Variants in GPC3 observed in about 807,000 individuals in gnomAD.
GPC3 encodes glypican 3.
GPC3 carries 3 observed loss-of-function variants against 34.4 expected under a neutral mutation model. The ratio of observed to expected loss-of-function variants is 0.09; its 90% CI spans 0.04 to 0.23. GPC3 has a LOEUF of 0.23. Ranked by LOEUF, GPC3 falls within the 10% of genes least tolerant of loss-of-function variation. The pLI is 1.00. For synonymous variants in GPC3, 177 were observed against 174.0 expected (o/e 1.02, Z -0.13); for missense variants, 351 against 445.6 (o/e 0.79, Z 1.91).
rs190865709 is a variant in GPC3 at position 133,966,617 on chromosome X, C to T, written c.176-13406G>A. 1.2e-4 allele frequency among the ~76,000 whole-genome samples: 14 copies of T among 112,417 alleles called. 1 individual carries two copies. In the East Asian group the frequency reaches 3.9e-3, roughly 31 times the overall value. ...ACCTGTGGAAAAAGGAATCAGTTGC[C>T]TTGTTAGTACAACATACACACTGCA... is the stretch of plus-strand genomic sequence containing the variant. On this transcript the variant is annotated intron_variant, in intron 1 of 7. Coordinates refer to ENST00000370818, the MANE Select transcript of GPC3 (RefSeq NM_004484.4).
At chrX:133,809,854 C>G (rs938945943) in intron 2 of GPC3, among the ~76,000 whole-genome samples, 2 of 111,474 alleles carry the variant, frequency 1.8e-5, no homozygotes, top group African/African-American at 6.5e-5. Context: ...ATCTCTACTA[C>G]TGGTAATAAA....
chrX:133,590,238 G>A (rs779825185), intron 7 of GPC3, among the ~76,000 whole-genome samples: 3 of 111,421 alleles, frequency 2.7e-5, no homozygotes, highest in African/African-American at 9.8e-5. Flanking sequence ...CCTTCATCTC[G>A]GACTTCCCAG....
At chrX:133,849,177 C>T (rs1423981284) in intron 2 of GPC3, among the ~76,000 whole-genome samples, 1 of 100,000 alleles carries the variant, frequency 1.0e-5, no homozygotes, top group East Asian at 3.2e-4. Context: ...TTACTGCAAG[C>T]TCCGCCTCCC....
chrX:133,731,144 T>C (rs2071458789), intron 3 of GPC3, among the ~76,000 whole-genome samples: 1 of 112,216 alleles, frequency 8.9e-6, no homozygotes. Flanking sequence ...CCAAGAACAG[T>C]ATTTCTCTAG....
intron 2 of GPC3, among the ~76,000 whole-genome samples, chrX:133,948,990 T>C (rs2076381315): frequency 8.9e-6 from 1 of 112,083 alleles, no homozygotes; most frequent in Non-Finnish European, 1.9e-5. Context: ...TGTTTTACAG[T>C]TTTCAAGATA....
At chrX:133,563,962 A>C (rs1011497844) in intron 7 of GPC3, among the ~76,000 whole-genome samples, 1 of 109,870 alleles carries the variant, frequency 9.1e-6, no homozygotes, top group Non-Finnish European at 1.9e-5. Flanking sequence ...GCCAACTCCA[A>C]ATTATGAAAT....
intron 2 of GPC3, among the ~76,000 whole-genome samples, chrX:133,897,475 T>C (rs1321883497): frequency 1.8e-5 from 2 of 109,982 alleles, no homozygotes; most frequent in Non-Finnish European, 3.8e-5. Context: ...AATTTCTTGT[T>C]AAAAGGAATA....
intron 2 of GPC3, among the ~76,000 whole-genome samples, chrX:133,902,851 T>C (rs780842903): frequency 1.9e-5 from 2 of 107,952 alleles, no homozygotes; most frequent in Non-Finnish European, 3.7e-5. Context: ...TCTATCTGTA[T>C]ACTATAGTCA....
At chrX:133,915,410 G>A (rs184117082) in intron 2 of GPC3, among the ~76,000 whole-genome samples, 2,061 of 111,401 alleles carry the variant, frequency 0.019, 27 homozygotes, top group Non-Finnish European at 0.032. Flanking sequence ...CCTGACCTCA[G>A]GTGATCCACC....
chrX:133,634,664 G>T (rs2070400165), intron 6 of GPC3, among the ~76,000 whole-genome samples: 1 of 111,939 alleles, frequency 8.9e-6, no homozygotes, highest in Non-Finnish European at 1.9e-5. Context: ...ATTAGTGGTT[G>T]CCTGGGGCTG....
chrX:133,983,586 T>C (rs911806744), intron 1 of GPC3, among the ~76,000 whole-genome samples: 1 of 111,964 alleles, frequency 8.9e-6, no homozygotes, highest in African/African-American at 3.2e-5. Context: ...GGCACCACCT[T>C]TACCTCCTGG....
intron 2 of GPC3, among the ~76,000 whole-genome samples, chrX:133,811,923 G>C (rs1215190176): frequency 8.9e-6 from 1 of 111,916 alleles, no homozygotes; most frequent in Non-Finnish European, 1.9e-5. Context: ...TCTAGACCTA[G>C]TTAAAATATA....
chrX:133,634,334 C>G (rs1417837573), intron 6 of GPC3, among the ~76,000 whole-genome samples: 1 of 111,558 alleles, frequency 9.0e-6, no homozygotes, highest in Middle Eastern at 4.2e-3. Flanking sequence ...AGGTATCTAC[C>G]TCAAAGAAGT....
intron 7 of GPC3, among the ~76,000 whole-genome samples, chrX:133,544,407 G>A (rs1308032131): frequency 1.8e-5 from 2 of 112,003 alleles, no homozygotes; most frequent in African/African-American, 6.5e-5. Context: ...TCCTTAACTA[G>A]GGCTCAGACT....
chrX:133,868,940 T>C (rs747965184), intron 2 of GPC3, among the ~76,000 whole-genome samples: 12 of 112,090 alleles, frequency 1.1e-4, no homozygotes, highest in Non-Finnish European at 1.9e-4. Context: ...TTAGGGCTAA[T>C]AACTAAAAGG....
At chrX:133,981,749 A>C (rs888418816) in intron 1 of GPC3, among the ~76,000 whole-genome samples, 8 of 111,947 alleles carry the variant, frequency 7.1e-5, no homozygotes, top group Admixed American at 9.5e-5. Flanking sequence ...AAAACAACAA[A>C]AACAAATACC....
At chrX:133,689,560 A>G (rs901813426) in intron 5 of GPC3, among the ~76,000 whole-genome samples, 3 of 112,001 alleles carry the variant, frequency 2.7e-5, no homozygotes, top group Middle Eastern at 9.2e-3. Flanking sequence ...TTATTTTACA[A>G]TTAACTAAAA....
chrX:133,975,093 A>T (rs1365780387), intron 1 of GPC3, among the ~76,000 whole-genome samples: 1 of 110,112 alleles, frequency 9.1e-6, no homozygotes, highest in Non-Finnish European at 1.9e-5. Context: ...TCACTAAGTC[A>T]TGTCTATTCT....
At chrX:133,735,999 G>T (rs1274810839) in intron 3 of GPC3, among the ~76,000 whole-genome samples, 3 of 109,569 alleles carry the variant, frequency 2.7e-5, no homozygotes, top group Non-Finnish European at 3.8e-5. Context: ...TGTGATAAGG[G>T]TCTAGTATCC....
Sources: allele counts gnomAD v4.1 joint callset (sites outside exome capture counted in the v4.1 genomes callset), GRCh38; gene constraint gnomAD v4.1.1; transcripts MANE v1.5; gene names NCBI Gene and HGNC (gene_info 2026-07-23, HGNC 2026-07-21).